Variants in DENND2C observed in about 807,000 individuals in gnomAD.
DENND2C encodes DENN domain containing 2C.
A neutral mutation model predicts 112.4 loss-of-function variants in DENND2C; 72 were observed. The observed-to-expected ratio is 0.64, with a 90% CI of 0.53 to 0.78. DENND2C has a LOEUF of 0.78. DENND2C is among the 30% of genes least tolerant of loss of function. The pLI is 0.00. For synonymous variants in DENND2C, 329 were observed against 381.6 expected, an observed-to-expected ratio of 0.86 and a Z score of 1.61; for missense variants, 992 against 1,113.8, an observed-to-expected ratio of 0.89 and a Z score of 1.56.
chr1:114,617,273 ATG>A (rs1363148577), intron 8 of DENND2C, among the ~76,000 whole-genome samples: 1 of 152,166 alleles, frequency 6.6e-6, no homozygotes, highest in Non-Finnish European at 1.5e-5. Flanking sequence ...TTAATTAACA[ATG>A]TAAGTTTTAT....
At chr1:114,658,176 T>C (rs1570816685) in intron 1 of DENND2C, among the ~76,000 whole-genome samples, 1 of 151,996 alleles carries the variant, frequency 6.6e-6, no homozygotes, top group South Asian at 2.1e-4. Flanking sequence ...AGGTTTAAAA[T>C]AGGAAGTGTG....
At chr1:114,651,296 C>T (rs1657157614) in intron 2 of DENND2C, among the ~76,000 whole-genome samples, 1 of 150,392 alleles carries the variant, frequency 6.6e-6, no homozygotes, top group South Asian at 2.1e-4. Flanking sequence ...CACACACACA[C>T]ACACACACAC....
chr1:114,655,105 T>C (rs142428178), intron 1 of DENND2C, among the ~76,000 whole-genome samples: 1 of 152,280 alleles, frequency 6.6e-6, no homozygotes, highest in African/African-American at 2.4e-5. Flanking sequence ...TTCTATTACT[T>C]AGAAGAATGG....
rs1216084291 is a variant in DENND2C, at chr1:114,602,066, C to G, written c.1737+59G>C. The G allele has an allele frequency of 9.1e-6, 14 of 1,541,680 alleles. No homozygotes were observed. The Middle Eastern group carries it at 1.0e-3, about 111-fold the overall frequency. On this transcript the variant is annotated intron_variant, in intron 12 of 20. Coordinates refer to ENST00000393274, the MANE Select transcript of DENND2C (RefSeq NM_001256404.2). ...TCTAGAGATAGTGTTTCTGAAGTTCCTACTCTGACTCAATTATTCCTTGAC... is the reference window on the plus strand; with the variant it reads ...TCTAGAGATAGTGTTTCTGAAGTTCGTACTCTGACTCAATTATTCCTTGAC...
Position 114,605,048 on chromosome 1 carries a change from C to G in DENND2C, c.1558-17G>C. 1 of 1,567,256 alleles carries G rather than the reference C, an allele frequency of 6.4e-7. No individual in the cohort carries two copies. On this transcript the variant is annotated splice_polypyrimidine_tract_variant and intron_variant, in intron 10 of 20. Transcript: ENST00000393274. ...ATGATCATCCTGAAAAAGATAACAC[C>G]ATAGGTGACTTAAATTATACTATGT... is the stretch of plus-strand genomic sequence containing the variant.
intron 2 of DENND2C, among the ~76,000 whole-genome samples, chr1:114,646,339 C>T (rs761640257): frequency 1.6e-4 from 24 of 152,156 alleles, no homozygotes; most frequent in Non-Finnish European, 2.6e-4. Context: ...AATTTTAGAA[C>T]ACTTTTCTTT....
chr1:114,635,843 T>C (rs1327725865), intron 3 of DENND2C, among the ~76,000 whole-genome samples: 1 of 151,712 alleles, frequency 6.6e-6, no homozygotes, highest in African/African-American at 2.4e-5. Context: ...CGGTCTCTAC[T>C]AAAAATATAA....
chr1:114,633,966 C>A (rs1364206546), intron 3 of DENND2C, among the ~76,000 whole-genome samples: 5 of 152,138 alleles, frequency 3.3e-5, no homozygotes, highest in Admixed American at 3.3e-4. Flanking sequence ...CATAAGAAAG[C>A]TGGATTGTCT....
At chr1:114,591,732 A>G (rs1408590450) in intron 18 of DENND2C, among the ~76,000 whole-genome samples, 1 of 151,888 alleles carries the variant, frequency 6.6e-6, no homozygotes, top group East Asian at 1.9e-4. Context: ...TATTCTTTTA[A>G]AAATATTTTC....
chr1:114,587,711 C>T lies in DENND2C; in HGVS notation c.2668+5G>A, dbSNP rs769236355. ...AGAGAGGGAGAACTTTATAATGAAA[C>T]TGACCTTTAACTCCACTTTTCCGAA... On this transcript the variant is annotated splice_donor_5th_base_variant and intron_variant, in intron 19 of 20. Transcript: ENST00000393274. 108 of 1,599,550 alleles carry T rather than the reference C, an allele frequency of 6.8e-5. No homozygotes were observed. Among genetic ancestry groups the T allele is most frequent in the Non-Finnish European group, 7.8e-5 (91 of 1,172,018 alleles).
intron 3 of DENND2C, among the ~76,000 whole-genome samples, chr1:114,630,121 T>C (rs1171705172): frequency 6.6e-6 from 1 of 152,016 alleles, no homozygotes; most frequent in Non-Finnish European, 1.5e-5. Context: ...GAGACCATCC[T>C]GGCCAACACA....
chr1:114,660,929 G>A (rs1657472322), intron 1 of DENND2C, among the ~76,000 whole-genome samples: 1 of 151,780 alleles, frequency 6.6e-6, no homozygotes, highest in South Asian at 2.1e-4. Context: ...TGACCAACAT[G>A]GTGAAACCCT....
chr1:114,617,299 G>A (rs1355938895), intron 8 of DENND2C, among the ~76,000 whole-genome samples: 1 of 151,558 alleles, frequency 6.6e-6, no homozygotes, highest in African/African-American at 2.4e-5. Context: ...GGCATCTGAA[G>A]GATAAAACTT....
chr1:114,639,821 T>C (rs1223347349), intron 3 of DENND2C, among the ~76,000 whole-genome samples: 1 of 151,918 alleles, frequency 6.6e-6, no homozygotes, highest in Non-Finnish European at 1.5e-5. Context: ...CAATCTGAAG[T>C]GCTGAAATTA....
Position 114,625,950 on chromosome 1 carries a change from G to A in DENND2C, c.35C>T (p.Thr12Ile). The A allele has an allele frequency of 6.2e-7, 1 of 1,613,612 alleles. No homozygotes were observed. Among genetic ancestry groups the A allele is most frequent in the Non-Finnish European group, 8.5e-7 (1 of 1,179,768 alleles). Reference protein sequence around the residue: ...DVGFSRTTVQTLSRSHCKNIK... With the variant: ...DVGFSRTTVQILSRSHCKNIK... ...GTTTTTGCAGTGGCTTCTTGACAGT[G>A]TCTGAACAGTAGTACGAGAAAAACC... Residue 12 changes from threonine to isoleucine, a missense_variant, in exon 4 of 21, where the codon ACA (threonine) becomes ATA (isoleucine). Thr to Ile is a moderately conservative substitution (Grantham distance 89, BLOSUM62 -1). Coordinates refer to ENST00000393274, the MANE Select transcript of DENND2C (RefSeq NM_001256404.2).
At position 114,585,473 on chromosome 1, in the gene DENND2C, T is replaced by G; in HGVS notation, c.*127A>C. ...ACAGGAGAATCCTCCTCTAACAGCCTGACTCGCTCTTTAACCTTTTAAAAT... is the reference window on the plus strand; with the variant it reads ...ACAGGAGAATCCTCCTCTAACAGCCGGACTCGCTCTTTAACCTTTTAAAAT... On this transcript the variant is annotated 3_prime_UTR_variant, in exon 21 of 21. Transcript: ENST00000393274. 1.0e-6 allele frequency: 1 copy of G among 969,358 alleles called. No individual in the cohort carries two copies. The highest frequency in any genetic ancestry group is 2.5e-5 in the East Asian group (1 of 39,962). The allele number at this position is 969,358 out of a possible 1,614,324, so 60.0% of individuals were successfully genotyped here. A position where few individuals can be genotyped will look rare whatever the true frequency, so the allele number is the denominator to read the frequency against.
At position 114,587,392 on chromosome 1, in the gene DENND2C, C is replaced by T. The variant is rs1655066534; in HGVS notation, c.2750G>A (p.Ser917Asn). The T allele has an allele frequency of 1.2e-6, 2 of 1,614,174 alleles. No homozygotes were observed. The highest frequency in any genetic ancestry group is 1.1e-5 in the South Asian group (1 of 91,084). Residue 917 changes from serine to asparagine, a missense_variant, in exon 20 of 21, where the codon AGT (serine) becomes AAT (asparagine). Transcript: ENST00000393274. ...EPSGMNRILR[S>N]LGSKMKFLQK... ...AGGAAAACACAGCAACTAACCAAGACTCCGCAAAATTCTATTCATCCCACT... is the reference window on the plus strand; with the variant it reads ...AGGAAAACACAGCAACTAACCAAGATTCCGCAAAATTCTATTCATCCCACT...
chr1:114,656,640 C>T (rs976461442), intron 1 of DENND2C, among the ~76,000 whole-genome samples: 9 of 152,000 alleles, frequency 5.9e-5, no homozygotes, highest in Non-Finnish European at 1.0e-4. Context: ...TTGTGATCTG[C>T]CTGCCTCGGC....
At chr1:114,587,144 A>G (rs1655060554) in intron 20 of DENND2C, 2 of 456,036 alleles carry the variant, frequency 4.4e-6, no homozygotes, top group African/African-American at 3.9e-5. Context: ...TCAGGTGATC[A>G]ACCTGCCTCA....
Sources: gnomAD v4.1 joint callset for allele counts (sites outside exome capture counted in the v4.1 genomes callset) on GRCh38, gnomAD v4.1.1 for gene constraint, MANE v1.5 for transcripts, NCBI Gene and HGNC (gene_info 2026-07-23, HGNC 2026-07-21) for gene names.